TENM2: variants seen among roughly 807,000 people sequenced by gnomAD.
The protein encoded by TENM2 is teneurin-2.
In TENM2, 52 loss-of-function variants were observed where a neutral mutation model predicts 245.2. The ratio of observed to expected loss-of-function variants is 0.21; its 90% confidence interval spans 0.17 to 0.27. The LOEUF is 0.27. TENM2 is among the 10% of genes least tolerant of loss of function. The probability of loss-of-function intolerance (pLI) is 1.00; values close to 1 mark genes in which losing one functional copy is unlikely to be tolerated. For missense variants in TENM2, 3,046 were observed against 3,666.8 expected, an observed-to-expected ratio of 0.83 and a Z score of 4.37; for synonymous variants, 1,363 against 1,438.9, an observed-to-expected ratio of 0.95 and a Z score of 1.19.
chr5:168,240,292 G>A (rs981530394), intron 25 of TENM2, among the ~76,000 whole-genome samples: 1 of 152,208 alleles, frequency 6.6e-6, no homozygotes, highest in Non-Finnish European at 1.5e-5. Context: ...GGAGCCAGCC[G>A]AGCAGCAGAG....
intron 3 of TENM2, among the ~76,000 whole-genome samples, chr5:167,891,508 T>C (rs1402589810): frequency 2.0e-5 from 3 of 152,146 alleles, no homozygotes; most frequent in Middle Eastern, 3.4e-3. Flanking sequence ...GTCAGGTGAG[T>C]TTTAGGGATC....
chr5:167,242,280 C>A, the TENM2 span, among the ~76,000 whole-genome samples: 1 of 152,102 alleles, frequency 6.6e-6, no homozygotes, highest in Non-Finnish European at 1.5e-5. Flanking sequence ...AAACTCCTGA[C>A]CTCAGGTGAT....
At chr5:167,523,129 C>T (rs992138136) in intron 2 of TENM2, among the ~76,000 whole-genome samples, 35 of 152,098 alleles carry the variant, frequency 2.3e-4, no homozygotes, top group South Asian at 4.1e-4. Context: ...GCATCTAGGT[C>T]CCAGCCAGGT....
intron 25 of TENM2, among the ~76,000 whole-genome samples, chr5:168,236,256 G>T (rs993224711): frequency 1.3e-5 from 2 of 152,274 alleles, no homozygotes; most frequent in South Asian, 2.1e-4. Flanking sequence ...TCAGGTCAAA[G>T]GATAACAAAT....
At chr5:168,202,966 C>T (rs1181437524) in intron 17 of TENM2, among the ~76,000 whole-genome samples, 1 of 152,194 alleles carries the variant, frequency 6.6e-6, no homozygotes, top group African/African-American at 2.4e-5. Flanking sequence ...ACCCATTTTA[C>T]ACGTGGGGAA....
intron 2 of TENM2, among the ~76,000 whole-genome samples, chr5:167,462,415 A>G (rs1266418604): frequency 6.6e-6 from 1 of 152,116 alleles, no homozygotes; most frequent in Non-Finnish European, 1.5e-5. Flanking sequence ...CAGACGGTTT[A>G]AGTGTTAACC....
In TENM2 at chr5:167,900,141, GGGGTT is replaced by G. The variant is rs1561912517; in HGVS notation, c.712+23947_712+23951del. Among the ~76,000 whole-genome samples the G allele has an allele frequency of 2.1e-3, 273 of 130,278 alleles. 4 individuals carry two copies. Among genetic ancestry groups the G allele is most frequent in the African/African-American group, 8.4e-3 (263 of 31,298 alleles). 85.5% of individuals were successfully genotyped at this position (130,278 alleles called of 152,430 possible). A position where few individuals can be genotyped will look rare whatever the true frequency, so the allele number is the denominator to read the frequency against. ...AAAAAAAAAAAAAAAAAAGGGGGGG[GGGGTT>G]TTGGAAAGGAAAGGAATGATATCTT... On this transcript the variant is annotated intron_variant, in intron 3 of 28. Transcript: ENST00000518659.
the TENM2 span, among the ~76,000 whole-genome samples, chr5:167,222,043 T>C: frequency 6.6e-6 from 1 of 152,214 alleles, no homozygotes; most frequent in Admixed American, 6.5e-5. Context: ...CAATAAATAC[T>C]ATTTATCCCA....
chr5:167,490,108 T>C (rs1210217472), intron 2 of TENM2, among the ~76,000 whole-genome samples: 2 of 152,164 alleles, frequency 1.3e-5, no homozygotes, highest in African/African-American at 4.8e-5. Context: ...GATTTAGATA[T>C]ATATTCCCAA....
At chr5:167,264,946 G>C in the TENM2 span, among the ~76,000 whole-genome samples, 2 of 152,194 alleles carry the variant, frequency 1.3e-5, no homozygotes, top group South Asian at 2.1e-4. Flanking sequence ...CTAAGATTTT[G>C]TTATCTAAAG....
chr5:167,657,456 T>A (rs1428999518), intron 2 of TENM2, among the ~76,000 whole-genome samples: 5 of 152,232 alleles, frequency 3.3e-5, no homozygotes, highest in Admixed American at 1.3e-4. Context: ...GGGGTTCAAA[T>A]GTCTCTTCCA....
intron 7 of TENM2, among the ~76,000 whole-genome samples, chr5:168,084,031 T>C (rs1180727883): frequency 6.6e-6 from 1 of 152,230 alleles, no homozygotes; most frequent in Non-Finnish European, 1.5e-5. Context: ...TGGTCTTCTG[T>C]TCCTATATTT....
chr5:167,655,142 A>T lies in TENM2; in HGVS notation c.503-220844A>T, dbSNP rs143095181. The stretch of plus-strand genomic sequence containing the variant: ...TTGTAAGCAACAGAAACTGACTTCA[A>T]ATAGAGAAAAGGTTTTACAAAGAAA... On this transcript the variant is annotated intron_variant, in intron 2 of 28. Transcript: ENST00000518659. Among the ~76,000 whole-genome samples, 948 of 152,312 alleles carry T rather than the reference A, an allele frequency of 6.2e-3. 14 individuals carry two copies. The highest frequency in any genetic ancestry group is 0.022 in the African/African-American group (898 of 41,580).
intron 2 of TENM2, among the ~76,000 whole-genome samples, chr5:167,674,863 T>G (rs761279285): frequency 1.3e-5 from 2 of 152,126 alleles, no homozygotes; most frequent in Non-Finnish European, 2.9e-5. Context: ...ATTGAAGCTT[T>G]TATAAATGTC....
intron 12 of TENM2, among the ~76,000 whole-genome samples, chr5:168,159,707 T>C (rs980250312): frequency 6.6e-6 from 1 of 152,186 alleles, no homozygotes; most frequent in African/African-American, 2.4e-5. Context: ...AATTACCAGC[T>C]GCCCTGAAAC....
the TENM2 span, among the ~76,000 whole-genome samples, chr5:167,275,199 T>C: frequency 6.6e-6 from 1 of 152,060 alleles, no homozygotes; most frequent in Non-Finnish European, 1.5e-5. Flanking sequence ...GTACCTGGGT[T>C]CTCTATTGTA....
At chr5:167,590,360 A>G (rs1340854242) in intron 2 of TENM2, among the ~76,000 whole-genome samples, 1 of 152,144 alleles carries the variant, frequency 6.6e-6, no homozygotes, top group African/African-American at 2.4e-5. Context: ...TGCGTACTAT[A>G]TTTTCTCCTA....
chr5:167,689,536 A>T (rs1757287247), intron 2 of TENM2, among the ~76,000 whole-genome samples: 1 of 152,214 alleles, frequency 6.6e-6, no homozygotes, highest in Non-Finnish European at 1.5e-5. Context: ...AAAAAATGAA[A>T]TGATCACCGA....
chr5:168,233,856 C>T (rs1382628598), intron 25 of TENM2, among the ~76,000 whole-genome samples: 2 of 152,106 alleles, frequency 1.3e-5, no homozygotes, highest in Admixed American at 6.5e-5. Flanking sequence ...GAAGCAAAAG[C>T]GGAAACTCCT....
Sources: allele counts gnomAD v4.1 joint callset (sites outside exome capture counted in the v4.1 genomes callset), GRCh38; gene constraint gnomAD v4.1.1; transcripts MANE v1.5; gene names NCBI Gene and HGNC (gene_info 2026-07-23, HGNC 2026-07-21).